Variants in EYS observed in about 807,000 individuals in gnomAD.
The protein encoded by EYS is protein eyes shut homolog.
In EYS, 250 loss-of-function variants were observed where a neutral mutation model predicts 282.1. The ratio of observed to expected loss-of-function variants is 0.89; its 90% confidence interval spans 0.80 to 0.98. The LOEUF (loss-of-function observed/expected upper bound fraction) is 0.98. Ranked by LOEUF, EYS falls within the 50% of genes least tolerant of loss-of-function variation. The pLI is 0.00. For synonymous variants in EYS, 1,355 were observed against 1,282.9 expected (o/e 1.06, Z -1.20); for missense variants, 4,016 against 3,709.0 (o/e 1.08, Z -2.15).
At chr6:64,218,139 C>T (rs907774389) in intron 31 of EYS, among the ~76,000 whole-genome samples, 2 of 152,102 alleles carry the variant, frequency 1.3e-5, no homozygotes, top group Admixed American at 1.3e-4. Flanking sequence ...GCATGAGGCC[C>T]TGTCCCTAGG....
intron 22 of EYS, among the ~76,000 whole-genome samples, chr6:64,803,386 G>C (rs538003260): frequency 6.6e-6 from 1 of 151,552 alleles, no homozygotes; most frequent in Non-Finnish European, 1.5e-5. Context: ...TGTGTGGGGG[G>C]GTTGGTTTAT....
chr6:64,164,528 T>A (rs1582368516), intron 31 of EYS, among the ~76,000 whole-genome samples: 1 of 152,146 alleles, frequency 6.6e-6, no homozygotes, highest in Admixed American at 6.5e-5. Flanking sequence ...TAGCAATATC[T>A]CCTTTGCACT....
intron 31 of EYS, among the ~76,000 whole-genome samples, chr6:64,100,554 CTTTTTTATTATGTGGT>C (rs1198477333): frequency 4.0e-5 from 6 of 151,890 alleles, no homozygotes; most frequent in Non-Finnish European, 8.8e-5. Context: ...CTGGTATTCC[CTTTTTTATTATGTGGT>C]TTTTTTATTG....
chr6:64,366,788 T>C (rs1398038195), intron 29 of EYS, among the ~76,000 whole-genome samples: 3 of 152,044 alleles, frequency 2.0e-5, no homozygotes. Context: ...AACTTAATGA[T>C]CTTGTGATCT....
At chr6:64,636,116 G>A (rs1382263181) in intron 22 of EYS, among the ~76,000 whole-genome samples, 5 of 152,116 alleles carry the variant, frequency 3.3e-5, no homozygotes, top group Non-Finnish European at 5.9e-5. Flanking sequence ...AACCAAAAAA[G>A]AGCCTGCATC....
chr6:64,508,041 G>A (rs533694828), intron 26 of EYS, among the ~76,000 whole-genome samples: 1 of 152,244 alleles, frequency 6.6e-6, no homozygotes, highest in African/African-American at 2.4e-5. Context: ...TTGGTAGTTT[G>A]GGTGTCTGAC....
chr6:64,880,205 A>G (rs1181878621), intron 19 of EYS, among the ~76,000 whole-genome samples: 1 of 150,786 alleles, frequency 6.6e-6, no homozygotes, highest in African/African-American at 2.4e-5. Flanking sequence ...TTAAAATCAG[A>G]TTAGTCTTTG....
At chr6:64,165,214 G>T (rs1764253272) in intron 31 of EYS, among the ~76,000 whole-genome samples, 1 of 151,966 alleles carries the variant, frequency 6.6e-6, no homozygotes, top group Non-Finnish European at 1.5e-5. Flanking sequence ...TATTTTAAAA[G>T]AAATTTGTGC....
intron 12 of EYS, among the ~76,000 whole-genome samples, chr6:65,122,102 A>G (rs1301396686): frequency 6.6e-6 from 1 of 152,156 alleles, no homozygotes. Context: ...GTGTAATGGA[A>G]GAGGTCTCAT....
chr6:65,090,613 C>A (rs577627561), intron 12 of EYS, among the ~76,000 whole-genome samples: 11 of 151,912 alleles, frequency 7.2e-5, no homozygotes, highest in African/African-American at 2.7e-4. Flanking sequence ...TGAATGGAAA[C>A]AGAAGAGAAG....
chr6:63,914,702 T>A (rs2149739927), intron 35 of EYS, among the ~76,000 whole-genome samples: 1 of 139,762 alleles, frequency 7.2e-6, no homozygotes, highest in South Asian at 2.4e-4. Context: ...AGCAAGACCC[T>A]GTCTCAACCG....
intron 35 of EYS, among the ~76,000 whole-genome samples, chr6:63,925,783 A>T (rs911288046): frequency 6.6e-6 from 1 of 152,174 alleles, no homozygotes; most frequent in African/African-American, 2.4e-5. Context: ...AGTTGGGATT[A>T]TAGGCACGTG....
chr6:63,772,166 G>T (rs1036060439), intron 40 of EYS, among the ~76,000 whole-genome samples: 1 of 147,682 alleles, frequency 6.8e-6, no homozygotes. Context: ...AAAAAAGAAA[G>T]ATTTTTTTTT....
At chr6:64,250,005 T>C (rs1044494061) in intron 30 of EYS, among the ~76,000 whole-genome samples, 1 of 151,966 alleles carries the variant, frequency 6.6e-6, no homozygotes, top group Non-Finnish European at 1.5e-5. Context: ...GAAAGAAAAA[T>C]GTAAGTGAAT....
chr6:65,172,558 CAT>C (rs1467744650), intron 12 of EYS, among the ~76,000 whole-genome samples: 4 of 151,186 alleles, frequency 2.6e-5, no homozygotes, highest in South Asian at 2.1e-4. Context: ...AAATGTAAAA[CAT>C]GTACCAAATT....
chr6:65,282,633 A>T (rs1768255603), intron 12 of EYS, among the ~76,000 whole-genome samples: 1 of 152,002 alleles, frequency 6.6e-6, no homozygotes, highest in South Asian at 2.1e-4. Flanking sequence ...TAAACATTCC[A>T]TACTTTCTGG....
intron 22 of EYS, among the ~76,000 whole-genome samples, chr6:64,655,736 A>G (rs1768721645): frequency 1.3e-5 from 2 of 152,056 alleles, no homozygotes; most frequent in African/African-American, 4.8e-5. Flanking sequence ...AAAAGGGCTT[A>G]TTGTCAAATA....
intron 26 of EYS, among the ~76,000 whole-genome samples, chr6:64,553,052 T>A (rs2149806823): frequency 6.6e-6 from 1 of 152,176 alleles, no homozygotes; most frequent in East Asian, 1.9e-4. Context: ...CTTGCATGTA[T>A]TGATTGATGT....
At chr6:64,447,251 T>G (rs922841278) in intron 26 of EYS, among the ~76,000 whole-genome samples, 6 of 152,096 alleles carry the variant, frequency 3.9e-5, no homozygotes, top group Non-Finnish European at 7.4e-5. Context: ...CATTACAAAA[T>G]CTCTGCATAT....
Sources: allele counts gnomAD v4.1 joint callset (sites outside exome capture counted in the v4.1 genomes callset), GRCh38; gene constraint gnomAD v4.1.1; transcripts MANE v1.5; gene names NCBI Gene and HGNC (gene_info 2026-07-23, HGNC 2026-07-21).